The following GLG1 variants were observed in gnomAD, a reference collection of about 807,000 sequenced individuals.
GLG1 encodes the protein Golgi apparatus protein 1.
Under a neutral mutation model 160.5 loss-of-function variants are expected in GLG1, and 38 were observed. The observed-to-expected ratio is 0.24, with a 90% confidence interval of 0.18 to 0.31. GLG1 has a LOEUF of 0.31. Ranked by LOEUF, GLG1 falls within the 10% of genes least tolerant of loss-of-function variation. The probability of loss-of-function intolerance (pLI) is 1.00; values close to 1 mark genes in which losing one functional copy is unlikely to be tolerated. For synonymous variants in GLG1, 644 were observed against 543.4 expected (o/e 1.19, Z -2.57); for missense variants, 1,373 against 1,505.2 (o/e 0.91, Z 1.45).
At chr16:74,491,919 G>A (rs1439883024) in intron 7 of GLG1, among the ~76,000 whole-genome samples, 1 of 150,874 alleles carries the variant, frequency 6.6e-6, no homozygotes, top group Admixed American at 6.6e-5. Flanking sequence ...GAGCCACCGC[G>A]CCTGGCCAGG....
Position 74,496,507 on chromosome 16 carries a change from A to G in GLG1, c.912T>C (p.Asp304=). ...AILRVAELSS[D]DFHLDRHLYF... ...ATAAATGCCGGTCTAAGTGAAAGTC[A>G]TCCGATGACAGCTCAGCCACCCGGA... is the stretch of plus-strand genomic sequence containing the variant. The change falls in exon 5 of 26, where the codon GAT becomes GAC. Residue 304 remains aspartate (D), a synonymous_variant. Coordinates refer to ENST00000422840, the MANE Select transcript of GLG1 (RefSeq NM_001145667.2). 1 of 1,614,112 alleles carries G rather than the reference A, an allele frequency of 6.2e-7. No individual in the cohort carries two copies. The highest frequency in any genetic ancestry group is 8.5e-7 in the Non-Finnish European group (1 of 1,179,964).
rs768982468 is a variant in GLG1, at chr16:74,472,394, G to A, written c.2070C>T (p.Ala690=). The change falls in exon 14 of 26, where the codon GCC becomes GCT. Residue 690 remains alanine, a synonymous_variant. Transcript: ENST00000422840. ...TGGGCTCACAGGCTCTCATCAGCAA[G>A]GCTTCTATTTGAATATCCTGTAGAA... ...ELESEDIQIE[A]LLMRACEPII... 2.5e-6 allele frequency: 4 copies of A among 1,609,996 alleles called. No individual in the cohort carries two copies. The highest frequency in any genetic ancestry group is 1.7e-5 in the Admixed American group (1 of 59,974).
intron 1 of GLG1, among the ~76,000 whole-genome samples, chr16:74,595,544 A>C (rs548905570): frequency 6.6e-6 from 1 of 152,326 alleles, no homozygotes; most frequent in East Asian, 1.9e-4. Context: ...CTCAAAAAAG[A>C]AAGTACTGAA....
chr16:74,465,631 G>A (rs752607749), intron 19 of GLG1, 45 bp downstream of exon 19: 1 of 1,598,028 alleles, frequency 6.3e-7, no homozygotes, highest in Admixed American at 1.7e-5. Flanking sequence ...GTGCTTTGTT[G>A]TTTTGTTGTT....
intron 7 of GLG1, among the ~76,000 whole-genome samples, chr16:74,492,583 C>T (rs1477570156): frequency 1.3e-5 from 2 of 151,662 alleles, no homozygotes; most frequent in Non-Finnish European, 2.9e-5. Flanking sequence ...CTTTGAGAGG[C>T]CAAGGTGGGC....
chr16:74,521,768 A>C (rs1298590636), intron 2 of GLG1, among the ~76,000 whole-genome samples: 1 of 152,164 alleles, frequency 6.6e-6, no homozygotes. Flanking sequence ...TCCCTCCTCA[A>C]TGTAAGTCCT....
chr16:74,535,065 G>C lies in GLG1; in HGVS notation c.439-2912C>G, dbSNP rs1597320686. ...ACAAAGAAAAGAGACATGTGGAGCAGACCTGAACTTAACCCTCAACCTGTA... is the reference window on the plus strand; with the variant it reads ...ACAAAGAAAAGAGACATGTGGAGCACACCTGAACTTAACCCTCAACCTGTA... On this transcript the variant is annotated intron_variant, in intron 1 of 25. Coordinates refer to ENST00000422840, the MANE Select transcript of GLG1 (RefSeq NM_001145667.2). Among the ~76,000 whole-genome samples, 3 of 152,154 alleles carry C rather than the reference G, an allele frequency of 2.0e-5. No homozygotes were observed. The South Asian group carries it at 6.2e-4, about 32-fold the overall frequency.
chr16:74,531,507 T>C (rs900404697), intron 2 of GLG1, among the ~76,000 whole-genome samples: 4 of 152,090 alleles, frequency 2.6e-5, no homozygotes, highest in African/African-American at 7.2e-5. Context: ...TGTTTTTTTT[T>C]AGTGGAGACA....
intron 13 of GLG1, 25 bp downstream of exon 13, chr16:74,474,521 A>T: frequency 9.0e-7 from 1 of 1,111,144 alleles, no homozygotes; most frequent in Non-Finnish European, 1.4e-6. Context: ...ACTCTCCTCC[A>T]ATGAGTAAGC....
At chr16:74,456,430 G>C (rs1384866666) in intron 25 of GLG1, 1 of 494,424 alleles carries the variant, frequency 2.0e-6, no homozygotes, top group Non-Finnish European at 3.6e-6. Flanking sequence ...AAAACGCTGA[G>C]ATTACAGGCG....
intron 2 of GLG1, among the ~76,000 whole-genome samples, chr16:74,529,701 C>G (rs2017464361): frequency 6.6e-6 from 1 of 151,520 alleles, no homozygotes; most frequent in Non-Finnish European, 1.5e-5. Flanking sequence ...CTAAAGAGTC[C>G]TGACTGCTTC....
intron 3 of GLG1, 145 bp downstream of exon 3, chr16:74,508,694 C>T (rs2016699303): frequency 1.8e-6 from 1 of 569,374 alleles, no homozygotes; most frequent in East Asian, 2.8e-5. Context: ...AGTCTAATTA[C>T]ACCCCCCAAC....
intron 23 of GLG1, among the ~76,000 whole-genome samples, chr16:74,458,530 T>A (rs2014653489): frequency 1.3e-5 from 2 of 151,948 alleles, no homozygotes; most frequent in African/African-American, 4.8e-5. Flanking sequence ...TAAAAAAAAA[T>A]TAGCTGGGCA....
intron 3 of GLG1, among the ~76,000 whole-genome samples, chr16:74,506,604 A>AAAAAAAAAAAAT (rs1555511216): frequency 7.0e-6 from 1 of 142,942 alleles, no homozygotes; most frequent in South Asian, 2.3e-4. Flanking sequence ...AAAAAAAAAA[A>AAAAAAAAAAAAT]CTCAAGAGAA....
chr16:74,555,215 G>A (rs1218073786), intron 1 of GLG1, among the ~76,000 whole-genome samples: 2 of 151,882 alleles, frequency 1.3e-5, no homozygotes, highest in Non-Finnish European at 2.9e-5. Context: ...ACTGAAAACT[G>A]ATCAAGAAAG....
At position 74,471,259 on chromosome 16, in the gene GLG1, C is replaced by T. The variant is rs1277699155; in HGVS notation, c.2143G>A (p.Gly715Arg). 6.2e-7 allele frequency: 1 copy of T among 1,605,804 alleles called. No homozygotes were observed. Among genetic ancestry groups the T allele is most frequent in the Non-Finnish European group, 8.5e-7 (1 of 1,172,578 alleles). Residue 715 changes from glycine (G) to arginine (R), a missense_variant, in exon 15 of 26, where the codon GGG (glycine) becomes AGG (arginine). Around this residue, in one of 4 missense-constraint regions of GLG1, gnomAD observed 491 missense variants for 632.1 expected, o/e 0.78. Transcript: ENST00000422840. ...HDVADNQIDS[G>R]DLMECLIQNK... ...TGTATCAGACACTCCATCAGGTCCC[C>T]AGAGTCTATCTGGTTATCTGCCACA...
intron 18 of GLG1, 55 bp downstream of exon 18, chr16:74,467,700 AT>A: frequency 8.4e-7 from 1 of 1,192,378 alleles, no homozygotes; most frequent in South Asian, 1.3e-5. Context: ...TTGAGAAAAC[AT>A]TAAATATTAC....
intron 1 of GLG1, among the ~76,000 whole-genome samples, chr16:74,595,921 C>T (rs919096396): frequency 6.6e-6 from 1 of 152,034 alleles, no homozygotes; most frequent in Admixed American, 6.5e-5. Flanking sequence ...GTCAGGAGTT[C>T]GAGATCAGCC....
chr16:74,473,606 A>AT (rs894783076), intron 13 of GLG1, among the ~76,000 whole-genome samples: 1 of 148,914 alleles, frequency 6.7e-6, no homozygotes, highest in African/African-American at 2.5e-5. Flanking sequence ...CACCTGACTA[A>AT]TTTTTTTGTA....
Sources: gnomAD v4.1 joint callset for allele counts (sites outside exome capture counted in the v4.1 genomes callset) on GRCh38, gnomAD v4.1.1 for gene constraint, gnomAD v4.1.1 regional missense constraint, MANE v1.5 for transcripts, NCBI Gene and HGNC (gene_info 2026-07-23, HGNC 2026-07-21) for gene names.